Variants in PEAK1 observed in about 807,000 individuals in gnomAD.
PEAK1 encodes the protein inactive tyrosine-protein kinase PEAK1.
Under a neutral mutation model 124.7 loss-of-function variants are expected in PEAK1, and 54 were observed. The ratio of observed to expected loss-of-function variants is 0.43; its 90% confidence interval spans 0.35 to 0.54. The LOEUF is 0.54. Among genes scored for constraint, PEAK1 ranks in the 20% least tolerant of loss-of-function variants. The pLI is 0.01. For missense variants in PEAK1, 2,046 were observed against 2,134.5 expected, an observed-to-expected ratio of 0.96 and a Z score of 0.82; for synonymous variants, 719 against 760.0, an observed-to-expected ratio of 0.95 and a Z score of 0.89.
At chr15:77,104,975 ACTTTGCCC>A (rs1458747053), downstream of PEAK1, 1 of 152,122 alleles carries the variant, frequency 6.6e-6, no homozygotes, top group Non-Finnish European at 1.5e-5. Flanking sequence ...AAGGCATTCA[ACTTTGCCC>A]CTCCCTGGGG....
chr15:77,413,326 C>G (rs781216598), intron 1 of PEAK1, among the ~76,000 whole-genome samples: 1 of 152,192 alleles, frequency 6.6e-6, no homozygotes, highest in Non-Finnish European at 1.5e-5. Context: ...CAACCTGTTT[C>G]TAGTGCACGG....
chr15:77,167,646 T>C (rs890316832), intron 7 of PEAK1, among the ~76,000 whole-genome samples: 25 of 152,236 alleles, frequency 1.6e-4, no homozygotes, highest in African/African-American at 5.8e-4. Context: ...TTATGAGAAG[T>C]AGAAGTTTGA....
At chr15:77,275,802 A>G (rs2078218977) in intron 5 of PEAK1, among the ~76,000 whole-genome samples, 1 of 152,036 alleles carries the variant, frequency 6.6e-6, no homozygotes, top group South Asian at 2.1e-4. Context: ...ATTATCTCAC[A>G]AGGATTTTAA....
At chr15:77,305,322 C>T (rs866641234) in intron 2 of PEAK1, among the ~76,000 whole-genome samples, 23 of 152,048 alleles carry the variant, frequency 1.5e-4, no homozygotes, top group African/African-American at 5.3e-4. Context: ...AATCCACTGT[C>T]CTCCATATAA....
At chr15:77,101,703 TCTTGGAGTCACTGGA>T (rs900275002) in exon 7 of PEAK1, 3 of 151,786 alleles carry the variant, frequency 2.0e-5, no homozygotes, top group Admixed American at 2.0e-4. Flanking sequence ...GAGGAGGGGG[TCTTGGAGTCACTGGA>T]CTTGGGTGGT....
At chr15:77,352,361 GA>G in intron 2 of PEAK1, 1 of 985,208 alleles carries the variant, frequency 1.0e-6, no homozygotes, top group Non-Finnish European at 1.2e-6. Context: ...CTATCTACCT[GA>G]AACCCCAGAA....
intron 6 of PEAK1, among the ~76,000 whole-genome samples, chr15:77,226,052 T>TA (rs1555449027): frequency 0.11 from 6,681 of 59,460 alleles, 423 homozygotes; most frequent in Non-Finnish European, 0.13. Context: ...GGGATATATA[T>TA]ATATATATAT....
rs1452000868 is a variant in PEAK1, at chr15:77,108,613, CTA to C, written c.*5541_*5542del. 6.6e-6 allele frequency: 1 copy of C among 152,170 alleles called. No individual in the cohort carries two copies. The highest frequency in any genetic ancestry group is 1.5e-5 in the Non-Finnish European group (1 of 68,034). The allele number at this position is 152,170 out of a possible 1,614,324, so 9.4% of individuals were successfully genotyped here. Reference sequence around the variant, plus strand: ...TGGTTTAACCTTTCAAAAATGAACCCTATGTCTGGTTCAACATTCAAGTTATC... The same window carrying C: ...TGGTTTAACCTTTCAAAAATGAACCCTGTCTGGTTCAACATTCAAGTTATC... On this transcript the variant is annotated 3_prime_UTR_variant, in exon 10 of 10. Coordinates refer to ENST00000682557, the MANE Select transcript of PEAK1 (RefSeq NM_001385026.1).
intron 5 of PEAK1, among the ~76,000 whole-genome samples, chr15:77,276,598 A>AT (rs1427410030): frequency 6.6e-6 from 1 of 152,126 alleles, no homozygotes; most frequent in Non-Finnish European, 1.5e-5. Context: ...CTCTAAACAG[A>AT]AAGGAAATGA....
chr15:77,103,056 T>C (rs528360665), exon 7 of PEAK1: 1 of 152,356 alleles, frequency 6.6e-6, no homozygotes, highest in East Asian at 1.9e-4. Context: ...GAAATAATAA[T>C]AATAAAATTT....
chr15:77,337,884 A>C, intron 2 of PEAK1: 5 of 985,282 alleles, frequency 5.1e-6, no homozygotes, highest in Non-Finnish European at 6.0e-6. Flanking sequence ...TTGTCATATT[A>C]GTCTGTTCTC....
chr15:77,364,302 G>A (rs1478991726), intron 2 of PEAK1, among the ~76,000 whole-genome samples: 1 of 152,062 alleles, frequency 6.6e-6, no homozygotes, highest in Non-Finnish European at 1.5e-5. Context: ...TAAATGGGTG[G>A]AATTTATGGC....
At chr15:77,365,266 T>C (rs906688743) in intron 1 of PEAK1, 41 bp from the exon 2 acceptor site, 7 of 841,624 alleles carry the variant, frequency 8.3e-6, no homozygotes, top group African/African-American at 3.7e-5. Flanking sequence ...ATGGTCAATA[T>C]GGTTGAATCT....
chr15:77,266,769 T>C (rs1028297598), intron 5 of PEAK1, among the ~76,000 whole-genome samples: 3 of 152,048 alleles, frequency 2.0e-5, no homozygotes, highest in Admixed American at 6.6e-5. Flanking sequence ...GAGACCCACA[T>C]CACGAACTTC....
intron 2 of PEAK1, chr15:77,335,645 A>AT: frequency 3.0e-6 from 2 of 657,234 alleles, no homozygotes; most frequent in Non-Finnish European, 1.9e-6. Flanking sequence ...CATGCAGCTA[A>AT]TTTTTTGCTG....
intron 1 of PEAK1, among the ~76,000 whole-genome samples, chr15:77,399,828 T>C (rs191437554): frequency 3.1e-4 from 47 of 152,160 alleles, no homozygotes; most frequent in African/African-American, 1.0e-3. Context: ...TCACATCAAG[T>C]TTAACAGCTT....
chr15:77,320,304 T>C (rs1052147906), intron 2 of PEAK1, among the ~76,000 whole-genome samples: 2 of 152,178 alleles, frequency 1.3e-5, no homozygotes, highest in Admixed American at 1.3e-4. Context: ...TATTTGCATA[T>C]ATAGCTGTCT....
intron 6 of PEAK1, among the ~76,000 whole-genome samples, chr15:77,249,559 C>G (rs940077793): frequency 3.9e-5 from 6 of 152,150 alleles, no homozygotes; most frequent in Non-Finnish European, 8.8e-5. Flanking sequence ...ACACAACCAG[C>G]TTGGATGGGG....
rs906528077 is a variant in PEAK1, at chr15:77,168,915, G to A, written c.3137+9875C>T. Among the ~76,000 whole-genome samples the A allele has an allele frequency of 3.3e-5, 5 of 152,144 alleles. No homozygotes were observed. In the East Asian group the frequency reaches 5.8e-4, roughly 18 times the overall value. On this transcript the variant is annotated intron_variant, in intron 7 of 9. Transcript: ENST00000682557. ...ACATCGTATCCCAGATGTACATGCCGGGGGTCTTTGCTAATTAGCAGCATG... is the reference window on the plus strand; with the variant it reads ...ACATCGTATCCCAGATGTACATGCCAGGGGTCTTTGCTAATTAGCAGCATG...
Sources: gnomAD v4.1 joint callset for allele counts (sites outside exome capture counted in the v4.1 genomes callset) on GRCh38, gnomAD v4.1.1 for gene constraint, MANE v1.5 for transcripts, NCBI Gene and HGNC (gene_info 2026-07-23, HGNC 2026-07-21) for gene names.